The following KYAT1 variants were observed in gnomAD, a reference collection of about 807,000 sequenced individuals.
KYAT1 encodes the protein kynurenine aminotransferase 1, also known as kynurenine--oxoglutarate transaminase 1.
Under a neutral mutation model 52.4 loss-of-function variants are expected in KYAT1, and 47 were observed. That is an observed-to-expected ratio of 0.90 (90% confidence interval 0.71 to 1.14). The LOEUF is 1.14. KYAT1 is among the 50% of genes most tolerant of loss of function. The pLI is 0.00. For synonymous variants in KYAT1, 212 were observed against 209.6 expected (o/e 1.01, Z -0.10); for missense variants, 480 against 557.9 (o/e 0.86, Z 1.41).
chr9:128,837,793 T>A lies in KYAT1; in HGVS notation c.459A>T (p.Glu153Asp), dbSNP rs1326054467. The A allele has an allele frequency of 1.2e-6, 2 of 1,613,974 alleles. No homozygotes were observed. Among genetic ancestry groups the A allele is most frequent in the Non-Finnish European group, 1.7e-6 (2 of 1,180,004 alleles). Residue 153 changes from glutamate to aspartate, a missense_variant, in exon 6 of 13, where the codon GAA becomes GAT. Glu to Asp is a conservative substitution (Grantham distance 45). Coordinates refer to ENST00000302586, the MANE Select transcript of KYAT1 (RefSeq NM_004059.5). ...SLKPGPIQNG[E>D]LGSSSNWQLD... ...GCTGCCAGTTGCTGCTGGAACCCAG[T>A]TCTCCATTCTGGATGGGACCCTGCA...
chr9:128,842,632 C>T, intron 3 of KYAT1, 22 bp downstream of exon 3: 2 of 1,609,170 alleles, frequency 1.2e-6, no homozygotes, highest in Non-Finnish European at 1.7e-6. Flanking sequence ...CCAGTGCCTC[C>T]ACGAGAGATG....
intron 3 of KYAT1, chr9:128,840,674 T>C: frequency 6.8e-6 from 3 of 439,754 alleles, no homozygotes; most frequent in South Asian, 5.2e-5. Flanking sequence ...GAGACCAGCC[T>C]ATTGGCAGGG....
chr9:128,840,575 AAAAG>A (rs991828178), intron 3 of KYAT1: 28 of 424,108 alleles, frequency 6.6e-5, no homozygotes, highest in East Asian at 5.6e-4. Context: ...AAAGAAAAAA[AAAAG>A]AAAGAAAGAA....
upstream of KYAT1, chr9:128,882,036 G>C (rs1285656595): frequency 6.6e-6 from 1 of 152,258 alleles, no homozygotes. Context: ...GCGAGAGCGG[G>C]AGAAAGCGCC....
chr9:128,867,804 G>A (rs148112676), intron 1 of KYAT1, among the ~76,000 whole-genome samples: 253 of 152,302 alleles, frequency 1.7e-3, no homozygotes, highest in African/African-American at 5.7e-3. Context: ...ACGGAGTCTC[G>A]CTCTGTCGCC....
At chr9:128,855,025 T>C (rs1834425878) in intron 1 of KYAT1, among the ~76,000 whole-genome samples, 1 of 152,198 alleles carries the variant, frequency 6.6e-6, no homozygotes, top group African/African-American at 2.4e-5. Context: ...TTTACAGGAC[T>C]CTTCTTATCA....
chr9:128,837,577 C>T, intron 6 of KYAT1, 108 bp downstream of exon 6: 2 of 1,295,948 alleles, frequency 1.5e-6, no homozygotes, highest in Non-Finnish European at 2.2e-6. Context: ...GTGTGTGGCC[C>T]TCCCACACAC....
chr9:128,857,444 A>C (rs1834811362), intron 1 of KYAT1, among the ~76,000 whole-genome samples: 1 of 152,206 alleles, frequency 6.6e-6, no homozygotes, highest in Non-Finnish European at 1.5e-5. Flanking sequence ...GTGGAGGGAC[A>C]GGCCACCGCT....
At chr9:128,847,880 T>C (rs1833364749) in intron 1 of KYAT1, among the ~76,000 whole-genome samples, 1 of 152,044 alleles carries the variant, frequency 6.6e-6, no homozygotes, top group Non-Finnish European at 1.5e-5. Flanking sequence ...ACCAAGAGCA[T>C]AAACCAAACA....
At chr9:128,845,450 T>C in intron 1 of KYAT1, 39 bp from the exon 2 acceptor site, 3 of 1,604,484 alleles carry the variant, frequency 1.9e-6, no homozygotes. Context: ...ATGGAATCTG[T>C]CTGGGTGCAG....
intron 7 of KYAT1, 50 bp downstream of exon 7, chr9:128,836,752 G>A: frequency 6.3e-7 from 1 of 1,596,700 alleles, no homozygotes. Context: ...GTGGGGTCAA[G>A]GCCCTCCCAC....
At chr9:128,858,279 C>T (rs373957179) in intron 1 of KYAT1, among the ~76,000 whole-genome samples, 4 of 149,854 alleles carry the variant, frequency 2.7e-5, no homozygotes, top group African/African-American at 9.9e-5. Flanking sequence ...CACCTGTAGT[C>T]CCAGCTACTT....
At chr9:128,871,963 T>TA (rs1230872388) in intron 1 of KYAT1, among the ~76,000 whole-genome samples, 4 of 147,260 alleles carry the variant, frequency 2.7e-5, no homozygotes, top group East Asian at 2.0e-4. Context: ...CTGTCTCTAC[T>TA]AAAAAAAATA....
intron 1 of KYAT1, among the ~76,000 whole-genome samples, chr9:128,856,857 G>C (rs1834683793): frequency 6.6e-6 from 1 of 152,230 alleles, no homozygotes; most frequent in African/African-American, 2.4e-5. Context: ...AGAAAGACCT[G>C]ACTGTCCCCC....
At chr9:128,836,394 G>T (rs1306089988) in intron 7 of KYAT1, among the ~76,000 whole-genome samples, 2 of 150,834 alleles carry the variant, frequency 1.3e-5, no homozygotes, top group Non-Finnish European at 3.0e-5. Flanking sequence ...CGCCTCCCAG[G>T]TTCCAGTGAT....
intron 3 of KYAT1, among the ~76,000 whole-genome samples, chr9:128,840,945 A>T (rs552821194): frequency 6.6e-6 from 1 of 152,266 alleles, no homozygotes; most frequent in Non-Finnish European, 1.5e-5. Flanking sequence ...ATATGTATAC[A>T]AAGATGTCCA....
chr9:128,881,501 A>AT (rs1460525898), intron 1 of KYAT1, among the ~76,000 whole-genome samples: 1 of 152,104 alleles, frequency 6.6e-6, no homozygotes, highest in Non-Finnish European at 1.5e-5. Context: ...TGTATGGATT[A>AT]TTTTTTAATT....
intron 1 of KYAT1, chr9:128,846,853 C>G: frequency 6.5e-7 from 1 of 1,535,082 alleles, no homozygotes; most frequent in Admixed American, 2.0e-5. Flanking sequence ...TTCTTCTCAG[C>G]CACCTGCTGT....
At chr9:128,858,840 T>C (rs1181676090) in intron 1 of KYAT1, among the ~76,000 whole-genome samples, 2 of 151,310 alleles carry the variant, frequency 1.3e-5, no homozygotes, top group Non-Finnish European at 2.9e-5. Flanking sequence ...AAATCCTGTC[T>C]GTACTAACAA....
Sources: allele counts gnomAD v4.1 joint callset (sites outside exome capture counted in the v4.1 genomes callset), GRCh38; gene constraint gnomAD v4.1.1; transcripts MANE v1.5; gene names NCBI Gene and HGNC (gene_info 2026-07-23, HGNC 2026-07-21).